The following PRKAR2B variants were observed in gnomAD, a reference collection of about 807,000 sequenced individuals.
The protein encoded by PRKAR2B is protein kinase cAMP-dependent type II regulatory subunit beta.
Under a neutral mutation model 49.9 loss-of-function variants are expected in PRKAR2B, and 14 were observed. The ratio of observed to expected loss-of-function variants is 0.28; its 90% CI spans 0.19 to 0.44. The LOEUF (loss-of-function observed/expected upper bound fraction) is 0.44. PRKAR2B is among the 20% of genes least tolerant of loss of function. PRKAR2B has a pLI of 1.00. For missense variants in PRKAR2B, 393 were observed against 537.9 expected, an observed-to-expected ratio of 0.73 and a Z score of 2.67; for synonymous variants, 196 against 197.7, an observed-to-expected ratio of 0.99 and a Z score of 0.07.
intron 1 of PRKAR2B, among the ~76,000 whole-genome samples, chr7:107,052,594 T>C (rs1337196674): frequency 6.6e-6 from 1 of 152,214 alleles, no homozygotes; most frequent in African/African-American, 2.4e-5. Context: ...TTGAACCTGG[T>C]AATCTGACTT....
At position 107,126,001 on chromosome 7, in the gene PRKAR2B, C is replaced by T. The variant is rs549079598; in HGVS notation, c.397-2211C>T. On this transcript the variant is annotated intron_variant, in intron 3 of 10. Coordinates refer to ENST00000265717, the MANE Select transcript of PRKAR2B (RefSeq NM_002736.3). ...ACTCAGGAGGCTGAGGCAGGAGAGT[C>T]GCTTGAACCCAGGAGGCAAAGGTTG... 4.3e-5 allele frequency among the ~76,000 whole-genome samples: 6 copies of T among 137,994 alleles called. No individual in the cohort carries two copies. In the East Asian group the frequency reaches 6.8e-4, roughly 16 times the overall value. The allele number at this position is 137,994 out of a possible 152,430, so 90.5% of individuals were successfully genotyped here.
intron 4 of PRKAR2B, among the ~76,000 whole-genome samples, chr7:107,134,001 A>G (rs536750898): frequency 1.3e-5 from 2 of 152,012 alleles, no homozygotes; most frequent in Non-Finnish European, 2.9e-5. Context: ...TGGCAGCAGA[A>G]TAGACATACT....
Position 107,045,122 on chromosome 7 carries a change from AG to A in PRKAR2B, c.220del (p.Val74SerfsTer32). The A allele has an allele frequency of 6.6e-7, 1 of 1,523,710 alleles. No individual in the cohort carries two copies. The allele number at this position is 1,523,710 out of a possible 1,614,324, so 94.4% of individuals were successfully genotyped here. A position where few individuals can be genotyped will look rare whatever the true frequency, so the allele number is the denominator to read the frequency against. On this transcript the variant is annotated frameshift_variant, in exon 1 of 11. Coordinates refer to ENST00000265717, the MANE Select transcript of PRKAR2B (RefSeq NM_002736.3). LOFTEE classifies it high-confidence loss of function. ...GCTGCCGGGGGCGGCACCCCCAGCA[AG>A]GGGGTCAACTTCGCCGAGGAGCCCA... ...GAAAGGGTPS[K>X]GVNFAEEPMQ...
chr7:107,146,382 T>C lies in PRKAR2B; in HGVS notation c.662T>C (p.Phe221Ser), dbSNP rs1266150485. The C allele has an allele frequency of 6.2e-7, 1 of 1,614,180 alleles. No homozygotes were observed. The highest frequency in any genetic ancestry group is 8.5e-7 in the Non-Finnish European group (1 of 1,180,020). ...GGTAACTATGATAATCGTGGGAGTT[T>C]CGGCGAACTGGCCTTAATGTACAAT... Reference protein sequence around the residue: ...CVGNYDNRGSFGELALMYNTP... With the variant: ...CVGNYDNRGSSGELALMYNTP... The change falls in exon 6 of 11, where the codon TTC (phenylalanine) becomes TCC (serine). Residue 221 changes from phenylalanine to serine, a missense_variant. By Grantham distance (155) the Phe-to-Ser change is radical. Transcript: ENST00000265717.
intron 1 of PRKAR2B, among the ~76,000 whole-genome samples, chr7:107,053,011 G>A (rs1261361289): frequency 6.6e-6 from 1 of 151,992 alleles, no homozygotes; most frequent in African/African-American, 2.4e-5. Flanking sequence ...TGTATTTTTG[G>A]TAGAGACAAG....
chr7:107,059,524 G>T (rs1266583914), intron 1 of PRKAR2B, among the ~76,000 whole-genome samples: 1 of 151,268 alleles, frequency 6.6e-6, no homozygotes, highest in Non-Finnish European at 1.5e-5. Context: ...CCATCAACTT[G>T]TTTTTGAGAA....
intron 2 of PRKAR2B, among the ~76,000 whole-genome samples, chr7:107,110,410 G>A (rs948261511): frequency 2.0e-5 from 3 of 152,008 alleles, no homozygotes; most frequent in African/African-American, 7.2e-5. Context: ...GGAGAGGCAC[G>A]CGAGTTACTG....
At chr7:107,096,371 G>A (rs747302477) in intron 2 of PRKAR2B, among the ~76,000 whole-genome samples, 3 of 151,784 alleles carry the variant, frequency 2.0e-5, no homozygotes, top group Non-Finnish European at 2.9e-5. Flanking sequence ...ATTTTTTATT[G>A]CATCTATTTG....
intron 5 of PRKAR2B, 92 bp downstream of exon 5, chr7:107,141,045 A>C: frequency 1.1e-6 from 1 of 872,764 alleles, no homozygotes; most frequent in Non-Finnish European, 1.8e-6. Flanking sequence ...TTAATATAGG[A>C]TAGTTGTTAT....
At chr7:107,073,503 C>T (rs1049256945) in intron 2 of PRKAR2B, among the ~76,000 whole-genome samples, 6 of 152,022 alleles carry the variant, frequency 3.9e-5, no homozygotes, top group Admixed American at 6.6e-5. Context: ...GCATGACTAA[C>T]GAAGAGAAGC....
intron 2 of PRKAR2B, among the ~76,000 whole-genome samples, chr7:107,079,715 C>T (rs903032278): frequency 1.3e-5 from 2 of 152,138 alleles, no homozygotes; most frequent in Admixed American, 6.5e-5. Context: ...CTTCCGATAC[C>T]GTTACTGTTA....
At chr7:107,128,061 A>G (rs1795530601) in intron 3 of PRKAR2B, 151 bp from the exon 4 acceptor site, 1 of 606,178 alleles carries the variant, frequency 1.6e-6, no homozygotes, top group Admixed American at 3.0e-5. Context: ...CCAGTCACCA[A>G]AAGTGAATCT....
intron 10 of PRKAR2B, among the ~76,000 whole-genome samples, chr7:107,158,603 G>C (rs934248726): frequency 6.6e-6 from 1 of 152,018 alleles, no homozygotes; most frequent in Non-Finnish European, 1.5e-5. Flanking sequence ...CTTTTTTGTG[G>C]GGAGCAATTT....
Position 107,146,386 on chromosome 7 carries a change from C to T in PRKAR2B, c.666C>T (p.Gly222=), listed in dbSNP as rs146903153. ...VGNYDNRGSF[G]ELALMYNTPR... is the part of the protein sequence containing the mutation. The stretch of plus-strand genomic sequence containing the variant: ...ACTATGATAATCGTGGGAGTTTCGG[C>T]GAACTGGCCTTAATGTACAATACAC... Residue 222 remains glycine (G), a synonymous_variant, in exon 6 of 11, where the codon GGC becomes GGT. Transcript: ENST00000265717. 1.1e-4 allele frequency: 171 copies of T among 1,613,918 alleles called. No homozygotes were observed. Among genetic ancestry groups the T allele is most frequent in the Non-Finnish European group, 1.4e-4 (162 of 1,179,964 alleles).
chr7:107,054,776 T>G (rs1793876335), intron 1 of PRKAR2B, among the ~76,000 whole-genome samples: 1 of 152,186 alleles, frequency 6.6e-6, no homozygotes, highest in Non-Finnish European at 1.5e-5. Flanking sequence ...GAATGTAAAA[T>G]GATTGAAAAC....
At chr7:107,057,733 A>C (rs981579880) in intron 1 of PRKAR2B, among the ~76,000 whole-genome samples, 8 of 152,166 alleles carry the variant, frequency 5.3e-5, no homozygotes, top group African/African-American at 1.9e-4. Context: ...ATGAATTAAC[A>C]GTACCTGGCA....
intron 2 of PRKAR2B, among the ~76,000 whole-genome samples, chr7:107,080,712 A>G (rs1373667050): frequency 1.3e-5 from 2 of 152,192 alleles, no homozygotes; most frequent in African/African-American, 2.4e-5. Flanking sequence ...TTAGCTTCCT[A>G]ATGAGAGCGC....
chr7:107,119,261 A>G (rs1795345563), intron 2 of PRKAR2B, among the ~76,000 whole-genome samples: 3 of 152,112 alleles, frequency 2.0e-5, no homozygotes, highest in Admixed American at 2.0e-4. Context: ...TATCTTGCCT[A>G]CTGCCTACTG....
chr7:107,150,247 C>G (rs1795959383), intron 6 of PRKAR2B, among the ~76,000 whole-genome samples: 1 of 151,966 alleles, frequency 6.6e-6, no homozygotes, highest in African/African-American at 2.4e-5. Context: ...AGTTCTGTAT[C>G]TTTGAGGGCA....
Sources: gnomAD v4.1 joint callset for allele counts (sites outside exome capture counted in the v4.1 genomes callset) on GRCh38, gnomAD v4.1.1 for gene constraint, MANE v1.5 for transcripts, NCBI Gene and HGNC (gene_info 2026-07-23, HGNC 2026-07-21) for gene names.